CD1A: variants seen among roughly 807,000 people sequenced by gnomAD.
The protein encoded by CD1A is CD1a molecule.
In CD1A, 50 loss-of-function variants were observed where a neutral mutation model predicts 38.3. That is an observed-to-expected ratio of 1.30 (90% CI 1.04 to 1.65). The LOEUF is 1.65. Ranked by LOEUF, CD1A falls within the 40% of genes most tolerant of loss-of-function variation. The pLI, the probability that CD1A is intolerant of heterozygous loss-of-function variation, is 0.00. For synonymous variants in CD1A, 160 were observed against 150.8 expected, an observed-to-expected ratio of 1.06 and a Z score of -0.45; for missense variants, 459 against 406.1, an observed-to-expected ratio of 1.13 and a Z score of -1.12.
At chr1:158,254,997 T>C in intron 1 of CD1A, 87 bp from the exon 2 acceptor site, 2 of 1,346,212 alleles carry the variant, frequency 1.5e-6, no homozygotes, top group Non-Finnish European at 2.1e-6. Context: ...TTTCTCCAGA[T>C]TCTGAGTTCC....
upstream of CD1A, among the ~76,000 whole-genome samples, chr1:158,250,815 G>A (rs982613384): frequency 6.6e-6 from 1 of 152,214 alleles, no homozygotes; most frequent in Non-Finnish European, 1.5e-5. Context: ...GAATGAGGGA[G>A]AAGCCTCATA....
chr1:158,255,439 C>G (rs1650226125), intron 2 of CD1A, 89 bp downstream of exon 2: 2 of 1,338,872 alleles, frequency 1.5e-6, no homozygotes, highest in African/African-American at 2.9e-5. Context: ...CAGCCTGACT[C>G]TCTTCTGTAT....
rs1012151702 is a variant in CD1A, at chr1:158,256,807, C to T, written c.626C>T (p.Ser209Phe). 16 of 1,614,038 alleles carry T rather than the reference C, an allele frequency of 9.9e-6. No homozygotes were observed. The African/African-American group carries it at 1.9e-4, about 19-fold the overall frequency. ...GCAGTGAAGCCCGAGGCCTGGCTGTCCCATGGCCCCAGTCCTGGCCCTGGC... is the reference window on the plus strand; with the variant it reads ...GCAGTGAAGCCCGAGGCCTGGCTGTTCCATGGCCCCAGTCCTGGCCCTGGC... ...QRQVKPEAWL[S>F]HGPSPGPGHL... The change falls in exon 4 of 6, where the codon TCC becomes TTC. Residue 209 changes from serine (S) to phenylalanine (F), a missense_variant. Ser to Phe is a radical substitution (Grantham distance 155). Coordinates refer to ENST00000289429, the MANE Select transcript of CD1A (RefSeq NM_001763.3).
upstream of CD1A, chr1:158,254,030 G>GTT (rs1398850181): frequency 4.4e-5 from 2 of 45,796 alleles, no homozygotes; most frequent in African/African-American, 1.7e-4. Context: ...GTGTTCCTGT[G>GTT]GTTTTTTTTT....
intron 5 of CD1A, 36 bp downstream of exon 5, chr1:158,257,547 C>T: frequency 6.3e-7 from 1 of 1,584,126 alleles, no homozygotes; most frequent in Non-Finnish European, 8.7e-7. Context: ...TACTCTTAGC[C>T]TCTACCCCAC....
In CD1A at chr1:158,258,225, A is replaced by C. The variant is rs565296693; in HGVS notation, c.*535A>C. 2 of 153,334 alleles carry C rather than the reference A, an allele frequency of 1.3e-5. No individual in the cohort carries two copies. The highest frequency in any genetic ancestry group is 1.9e-4 in the East Asian group (1 of 5,196). The allele number at this position is 153,334 out of a possible 1,614,324, so 9.5% of individuals were successfully genotyped here. A position where few individuals can be genotyped will look rare whatever the true frequency, so the allele number is the denominator to read the frequency against. On this transcript the variant is annotated 3_prime_UTR_variant, in exon 6 of 6. Transcript: ENST00000289429. Reference sequence around the variant, plus strand: ...ATCCCTGGTGAAGGATCTTGCCTGCATGAAACATGTTCTCAATAAAACTCT... The same window carrying C: ...ATCCCTGGTGAAGGATCTTGCCTGCCTGAAACATGTTCTCAATAAAACTCT...
At chr1:158,251,977 T>G (rs1360073774), upstream of CD1A, among the ~76,000 whole-genome samples, 2 of 151,970 alleles carry the variant, frequency 1.3e-5, no homozygotes, top group East Asian at 3.9e-4. Context: ...ACTACAGGTG[T>G]GCACCACCAC....
At chr1:158,249,432 G>A (rs1434742951), upstream of CD1A, among the ~76,000 whole-genome samples, 1 of 152,130 alleles carries the variant, frequency 6.6e-6, no homozygotes, top group African/African-American at 2.4e-5. Flanking sequence ...GGGGTCAGGG[G>A]TCTCTCTTGG....
rs1298213612 is a variant in CD1A, at chr1:158,256,340, A to C, written c.604+58A>C. 8.0e-6 allele frequency: 12 copies of C among 1,501,760 alleles called. No individual in the cohort carries two copies. In the Middle Eastern group the frequency reaches 1.2e-3, roughly 153 times the overall value. 93.0% of individuals were successfully genotyped at this position (1,501,760 alleles called of 1,614,324 possible). ...GATTTGAAAATCATACCCTTCCACCACCTCCTTCCAATTTAGAATAAGGAA... is the reference window on the plus strand; with the variant it reads ...GATTTGAAAATCATACCCTTCCACCCCCTCCTTCCAATTTAGAATAAGGAA... On this transcript the variant is annotated intron_variant, in intron 3 of 5. Coordinates refer to ENST00000289429, the MANE Select transcript of CD1A (RefSeq NM_001763.3).
In CD1A at chr1:158,254,500, T is replaced by C. The variant is rs1650173777; in HGVS notation, c.-170T>C. On this transcript the variant is annotated 5_prime_UTR_variant, in exon 1 of 6. Transcript: ENST00000289429. ...AACCAGAGGGAAATGAGAGACTGAG[T>C]AGGCATCTCAGGGTTTTTGAAGGAG... 3.4e-6 allele frequency: 5 copies of C among 1,453,036 alleles called. No homozygotes were observed. In the East Asian group the frequency reaches 1.3e-4, roughly 38 times the overall value. The allele number at this position is 1,453,036 out of a possible 1,614,324, so 90.0% of individuals were successfully genotyped here.
intron 3 of CD1A, 119 bp from the exon 4 acceptor site, chr1:158,256,667 C>A (rs1221489548): frequency 3.5e-6 from 4 of 1,158,250 alleles, no homozygotes; most frequent in Admixed American, 2.6e-5. Flanking sequence ...CAGAGTGAGA[C>A]CCTGTCTCAA....
upstream of CD1A, among the ~76,000 whole-genome samples, chr1:158,252,611 CT>C (rs1571115304): frequency 6.6e-6 from 1 of 152,128 alleles, no homozygotes; most frequent in East Asian, 1.9e-4. Flanking sequence ...CTCTTTCCAG[CT>C]TTTTGCATGC....
chr1:158,250,928 C>G (rs568915297), upstream of CD1A, among the ~76,000 whole-genome samples: 49 of 152,324 alleles, frequency 3.2e-4, no homozygotes, highest in African/African-American at 1.2e-3. Context: ...TAAACTTGTA[C>G]AGCTGACCCT....
At chr1:158,254,140 C>T (rs1451741287), upstream of CD1A, 14 of 962,646 alleles carry the variant, frequency 1.5e-5, no homozygotes, top group Non-Finnish European at 1.7e-5. Context: ...TCGCACAGGG[C>T]AGTCGTAGGA....
upstream of CD1A, among the ~76,000 whole-genome samples, chr1:158,250,571 TGGTTAGCTCA>T (rs1397632557): frequency 1.3e-5 from 2 of 152,192 alleles, no homozygotes; most frequent in Non-Finnish European, 2.9e-5. Flanking sequence ...CCTACAACTC[TGGTTAGCTCA>T]GTCTTCCCCA....
intron 1 of CD1A, 66 bp downstream of exon 1, chr1:158,254,793 G>C (rs113802547): frequency 0.025 from 4,659 of 187,722 alleles, 18 homozygotes; most frequent in African/African-American, 0.098. Context: ...CTCTGTGTGT[G>C]TGTGTGTGTG....
Position 158,255,190 on chromosome 1 carries a change from T to C in CD1A, c.165T>C (p.His55=), listed in dbSNP as rs1249270721. 1.2e-6 allele frequency: 2 copies of C among 1,614,042 alleles called. No homozygotes were observed. Among genetic ancestry groups the C allele is most frequent in the Non-Finnish European group, 1.7e-6 (2 of 1,180,032 alleles). Reference sequence around the variant, plus strand: ...GTTGGCTGAGTGATTTGCAGACTCATACCTGGGACAGCAATTCCAGCACCA... The same window carrying C: ...GTTGGCTGAGTGATTTGCAGACTCACACCTGGGACAGCAATTCCAGCACCA... The part of the protein sequence containing the change: ...VSGWLSDLQT[H]TWDSNSSTIV... Residue 55 remains histidine (H), a synonymous_variant, in exon 2 of 6, where the codon CAT becomes CAC. Transcript: ENST00000289429.
At chr1:158,255,900 A>G in intron 2 of CD1A, 104 bp from the exon 3 acceptor site, 1 of 1,163,136 alleles carries the variant, frequency 8.6e-7, no homozygotes, top group Non-Finnish European at 1.2e-6. Context: ...TTATTCCATT[A>G]TGTCAAACCC....
intron 1 of CD1A, 82 bp downstream of exon 1, chr1:158,254,809 G>A: frequency 1.1e-6 from 1 of 902,538 alleles, no homozygotes; most frequent in Non-Finnish European, 1.8e-6. Flanking sequence ...GTGTGTGTGT[G>A]TGTGTGTGTG....
Sources: allele counts gnomAD v4.1 joint callset (sites outside exome capture counted in the v4.1 genomes callset), GRCh38; gene constraint gnomAD v4.1.1; transcripts MANE v1.5; gene names NCBI Gene and HGNC (gene_info 2026-07-23, HGNC 2026-07-21).